NUDT19: variants seen among roughly 807,000 people sequenced by gnomAD.
NUDT19 encodes acyl-coenzyme A diphosphatase NUDT19.
Under a neutral mutation model 22.2 loss-of-function variants are expected in NUDT19, and 31 were observed. That is an observed-to-expected ratio of 1.40 (90% CI 1.05 to 1.89). The LOEUF is 1.89. Among genes scored for constraint, NUDT19 ranks in the 40% most tolerant of loss-of-function variants. NUDT19 has a pLI of 0.00. For missense variants in NUDT19, 752 were observed against 514.2 expected (o/e 1.46, Z -4.47); for synonymous variants, 325 against 230.8 (o/e 1.41, Z -3.70).
intron 1 of NUDT19, among the ~76,000 whole-genome samples, chr19:32,701,204 T>TTG (rs922317772): frequency 1.6e-5 from 2 of 123,358 alleles, no homozygotes; most frequent in African/African-American, 3.7e-5. Flanking sequence ...TGCAGGTTTT[T>TTG]TTTTTTTTTT....
At chr19:32,694,587 C>G in intron 1 of NUDT19, among the ~76,000 whole-genome samples, 1 of 152,284 alleles carries the variant, frequency 6.6e-6, no homozygotes, top group South Asian at 2.1e-4. Context: ...TGGCCCTGTG[C>G]TGATGGACTT....
chr19:32,698,281 A>G lies in NUDT19; in HGVS notation c.714+5607A>G, dbSNP rs543207837. Among the ~76,000 whole-genome samples, 7 of 152,320 alleles carry G rather than the reference A, an allele frequency of 4.6e-5. No homozygotes were observed. In the South Asian group the frequency reaches 1.4e-3, roughly 32 times the overall value. ...CCCATCAGAGAGAGAAATTGGGGCC[A>G]GGCTGTAGTATAGAAAAAAATGAGC... is the stretch of plus-strand genomic sequence containing the variant. On this transcript the variant is annotated intron_variant, in intron 1 of 2. Transcript: ENST00000397061.
chr19:32,696,043 G>A (rs1425241964), intron 1 of NUDT19, among the ~76,000 whole-genome samples: 1 of 152,114 alleles, frequency 6.6e-6, no homozygotes, highest in Non-Finnish European at 1.5e-5. Flanking sequence ...TTAGCTAACG[G>A]GACTTCTAAG....
Position 32,691,992 on chromosome 19 carries a change from G to GCTGGCGGCGGGCGGCCAGCATCGTC in NUDT19, c.41_65dup (p.Trp24GlyfsTer94). 1.6e-6 allele frequency: 2 copies of GCTGGCGGCGGGCGGCCAGCATCGTC among 1,235,256 alleles called. No individual in the cohort carries two copies. Among genetic ancestry groups the GCTGGCGGCGGGCGGCCAGCATCGTC allele is most frequent in the Non-Finnish European group, 2.0e-6 (2 of 991,702 alleles). The allele number at this position is 1,235,256 out of a possible 1,614,324, so 76.5% of individuals were successfully genotyped here. A position where few individuals can be genotyped will look rare whatever the true frequency, so the allele number is the denominator to read the frequency against. ...AGCTCCCTGCGGCCGGGCCCCAGCC[G>GCTGGCGGCGGGCGGCCAGCATCGTC]CTGGCGGCGGGCGGCCAGCATCGTC... On this transcript the variant is annotated frameshift_variant, in exon 1 of 3. Coordinates refer to ENST00000397061, the MANE Select transcript of NUDT19 (RefSeq NM_001105570.2). LOFTEE classifies it high-confidence loss of function.
intron 1 of NUDT19, among the ~76,000 whole-genome samples, chr19:32,700,370 A>T (rs1231399634): frequency 6.6e-6 from 1 of 152,024 alleles, no homozygotes; most frequent in Non-Finnish European, 1.5e-5. Context: ...CAGAGTACTG[A>T]TTGGTGCGTT....
chr19:32,693,974 G>A (rs1201747801), intron 1 of NUDT19, among the ~76,000 whole-genome samples: 1 of 152,218 alleles, frequency 6.6e-6, no homozygotes, highest in Non-Finnish European at 1.5e-5. Context: ...CCTCCAGAGG[G>A]GAACTCTCTA....
At chr19:32,693,225 C>T (rs1482212140) in intron 1 of NUDT19, among the ~76,000 whole-genome samples, 1 of 152,108 alleles carries the variant, frequency 6.6e-6, no homozygotes, top group African/African-American at 2.4e-5. Context: ...TTTCTTCCTT[C>T]AGATGTTCAG....
chr19:32,702,353 A>G (rs1410447601), intron 1 of NUDT19, among the ~76,000 whole-genome samples: 1 of 152,218 alleles, frequency 6.6e-6, no homozygotes, highest in Admixed American at 6.5e-5. Flanking sequence ...ATTCCTTTGT[A>G]TCTACTTTAA....
intron 1 of NUDT19, among the ~76,000 whole-genome samples, chr19:32,703,433 C>T (rs1968355770): frequency 6.6e-6 from 1 of 152,138 alleles, no homozygotes; most frequent in African/African-American, 2.4e-5. Context: ...ACCACAGCCT[C>T]TGCCTTCTGG....
In NUDT19 at chr19:32,712,777, T is replaced by A. The variant is rs1393682138; in HGVS notation, c.*820T>A. 2 of 152,222 alleles carry A rather than the reference T, an allele frequency of 1.3e-5. No individual in the cohort carries two copies. Among genetic ancestry groups the A allele is most frequent in the Non-Finnish European group, 2.9e-5 (2 of 68,038 alleles). The allele number at this position is 152,222 out of a possible 1,614,324, so 9.4% of individuals were successfully genotyped here. On this transcript the variant is annotated 3_prime_UTR_variant, in exon 3 of 3. Transcript: ENST00000397061. The stretch of plus-strand genomic sequence containing the variant: ...CAGTGTGCCACACGTATAAAGTTTA[T>A]AACGTATTAATGATCTCATTACCCA...
intron 1 of NUDT19, among the ~76,000 whole-genome samples, chr19:32,699,361 G>C (rs139982463): frequency 2.6e-5 from 4 of 152,174 alleles, no homozygotes; most frequent in Non-Finnish European, 5.9e-5. Flanking sequence ...CCTGTGCGAC[G>C]TGACTTTCAG....
intron 1 of NUDT19, among the ~76,000 whole-genome samples, chr19:32,707,412 C>A (rs1048589158): frequency 1.4e-4 from 22 of 152,242 alleles, no homozygotes; most frequent in African/African-American, 5.1e-4. Context: ...ACTTCTCAGT[C>A]AATGTTTAAG....
chr19:32,704,103 T>C (rs900675244), intron 1 of NUDT19, among the ~76,000 whole-genome samples: 1 of 152,224 alleles, frequency 6.6e-6, no homozygotes, highest in African/African-American at 2.4e-5. Flanking sequence ...TTTTGCTTGC[T>C]TGAAAATAAC....
At chr19:32,704,152 A>G (rs1968363519) in intron 1 of NUDT19, among the ~76,000 whole-genome samples, 1 of 152,198 alleles carries the variant, frequency 6.6e-6, no homozygotes, top group African/African-American at 2.4e-5. Context: ...TTGGCTAGGT[A>G]TAAAATTCTA....
In NUDT19 at chr19:32,711,909, T is replaced by TAA; in HGVS notation, c.1082_1083dup (p.His362AsnfsTer9). ...TCCACGTGACTGTTCAGCCAAAGTA[T>TAA]AAACACGTTTATCCTAAGAACTCTG... On this transcript the variant is annotated frameshift_variant, in exon 3 of 3. Transcript: ENST00000397061. LOFTEE classifies it high-confidence loss of function. 2 of 1,614,088 alleles carry TAA rather than the reference T, an allele frequency of 1.2e-6. No homozygotes were observed. The highest frequency in any genetic ancestry group is 1.7e-6 in the Non-Finnish European group (2 of 1,179,990).
chr19:32,694,746 C>T (rs192220959), intron 1 of NUDT19, among the ~76,000 whole-genome samples: 1 of 152,308 alleles, frequency 6.6e-6, no homozygotes, highest in East Asian at 1.9e-4. Context: ...AATAAGACCT[C>T]GTTCAGTCCA....
chr19:32,706,254 C>A (rs1968385807), intron 1 of NUDT19, among the ~76,000 whole-genome samples: 1 of 152,240 alleles, frequency 6.6e-6, no homozygotes, highest in East Asian at 1.9e-4. Context: ...CAGCTTTATC[C>A]CTGGTTTCTC....
In NUDT19 at chr19:32,691,868, G is replaced by A. The variant is rs1251690349; in HGVS notation, c.-93G>A. 1.8e-5 allele frequency: 12 copies of A among 657,264 alleles called. No homozygotes were observed. Among genetic ancestry groups the A allele is most frequent in the Non-Finnish European group, 2.5e-5 (12 of 476,930 alleles). 40.7% of individuals were successfully genotyped at this position (657,264 alleles called of 1,614,324 possible). ...CCAGAGGCTCGTCCTCAATTCCCGC[G>A]AGGCCCCCGGAGGTGCTGGGGTCCC... On this transcript the variant is annotated 5_prime_UTR_variant, in exon 1 of 3. Coordinates refer to ENST00000397061, the MANE Select transcript of NUDT19 (RefSeq NM_001105570.2).
At chr19:32,699,598 C>T (rs1390014852) in intron 1 of NUDT19, among the ~76,000 whole-genome samples, 1 of 152,180 alleles carries the variant, frequency 6.6e-6, no homozygotes, top group African/African-American at 2.4e-5. Flanking sequence ...TCGCTTTTAA[C>T]TGGCCAACAT....
Sources: gnomAD v4.1 joint callset for allele counts (sites outside exome capture counted in the v4.1 genomes callset) on GRCh38, gnomAD v4.1.1 for gene constraint, MANE v1.5 for transcripts, NCBI Gene and HGNC (gene_info 2026-07-23, HGNC 2026-07-21) for gene names.